PALS2: variants seen among roughly 807,000 people sequenced by gnomAD.
The protein encoded by PALS2 is protein associated with LIN7 2, MAGUK p55 family member.
A neutral mutation model predicts 61.6 loss-of-function variants in PALS2; 27 were observed. The observed-to-expected ratio is 0.44, with a 90% CI of 0.32 to 0.60. PALS2 has a LOEUF of 0.60. Among genes scored for constraint, PALS2 ranks in the 20% least tolerant of loss-of-function variants. The pLI, the probability that PALS2 is intolerant of heterozygous loss-of-function variation, is 0.05. For missense variants in PALS2, 554 were observed against 639.4 expected (o/e 0.87, Z 1.44); for synonymous variants, 236 against 218.6 (o/e 1.08, Z -0.70).
intron 1 of PALS2, among the ~76,000 whole-genome samples, chr7:24,590,866 G>T (rs1362022058): frequency 6.7e-6 from 1 of 150,194 alleles, no homozygotes; most frequent in Non-Finnish European, 1.5e-5. Context: ...TTTTTGAGGG[G>T]ATGTTTTCAG....
At chr7:24,582,999 A>T (rs558165787) in intron 1 of PALS2, among the ~76,000 whole-genome samples, 2 of 140,696 alleles carry the variant, frequency 1.4e-5, no homozygotes, top group East Asian at 2.2e-4. Flanking sequence ...GATTCAAGTG[A>T]TTCTCCTGCC....
At chr7:24,632,151 AT>A (rs1785024093) in intron 2 of PALS2, among the ~76,000 whole-genome samples, 1 of 152,166 alleles carries the variant, frequency 6.6e-6, no homozygotes, top group African/African-American at 2.4e-5. Context: ...ATTCACTAAG[AT>A]TGTTATATCA....
At chr7:24,645,101 A>G (rs1785763880) in intron 3 of PALS2, among the ~76,000 whole-genome samples, 1 of 152,042 alleles carries the variant, frequency 6.6e-6, no homozygotes, top group Non-Finnish European at 1.5e-5. Flanking sequence ...CTCTGTTGAT[A>G]GTTTCTTTTG....
At chr7:24,647,551 T>A (rs1785906659) in intron 3 of PALS2, among the ~76,000 whole-genome samples, 1 of 152,198 alleles carries the variant, frequency 6.6e-6, no homozygotes. Flanking sequence ...GGGTTGTAAA[T>A]CAGAATTTTC....
In PALS2 at chr7:24,599,630, A is replaced by C. The variant is rs1363203593; in HGVS notation, c.-2-24036A>C. 6.1e-5 allele frequency among the ~76,000 whole-genome samples: 9 copies of C among 148,574 alleles called. No individual in the cohort carries two copies. In the South Asian group the frequency reaches 1.9e-3, roughly 32 times the overall value. On this transcript the variant is annotated intron_variant, in intron 1 of 11. Coordinates refer to ENST00000222644, the MANE Select transcript of PALS2 (RefSeq NM_001303037.2). ...AGTGATTTTCCCGTCCCAGCCTCCC[A>C]AGTAGCTGGGATTACAGGTGTGCAC... is the stretch of plus-strand genomic sequence containing the variant.
chr7:24,685,927 C>T (rs1353767171), intron 11 of PALS2, among the ~76,000 whole-genome samples: 1 of 152,120 alleles, frequency 6.6e-6, no homozygotes, highest in Non-Finnish European at 1.5e-5. Context: ...GATTTATATA[C>T]AGCTAGCCCA....
chr7:24,659,834 A>C (rs1786622126), intron 5 of PALS2, among the ~76,000 whole-genome samples: 1 of 152,230 alleles, frequency 6.6e-6, no homozygotes, highest in African/African-American at 2.4e-5. Flanking sequence ...TTAAGTACTC[A>C]GTTGAAAACA....
chr7:24,622,316 CCTTT>C (rs1449658789), intron 1 of PALS2, among the ~76,000 whole-genome samples: 3 of 151,676 alleles, frequency 2.0e-5, no homozygotes, highest in Non-Finnish European at 4.4e-5. Flanking sequence ...GATGTCATTC[CCTTT>C]ATTTAGATCT....
Position 24,623,782 on chromosome 7 carries a change from A to G in PALS2, c.115A>G (p.Lys39Glu). The G allele has an allele frequency of 1.3e-6, 2 of 1,529,534 alleles. No homozygotes were observed. Among genetic ancestry groups the G allele is most frequent in the Non-Finnish European group, 1.8e-6 (2 of 1,116,100 alleles). The allele number at this position is 1,529,534 out of a possible 1,614,324, so 94.7% of individuals were successfully genotyped here. Residue 39 changes from lysine (K) to glutamate (E), a missense_variant and splice_region_variant, in exon 2 of 12, where the codon AAG (lysine) becomes GAG (glutamate). By Grantham distance (56) the Lys-to-Glu change is moderately conservative (BLOSUM62 1). Coordinates refer to ENST00000222644, the MANE Select transcript of PALS2 (RefSeq NM_001303037.2). ...GAATCCTATTGTAAAATCACTTGCT[A>G]AGGTATATAGATTTATTCATAAGAT... The part of the protein sequence containing the change: ...MENPIVKSLA[K>E]AHERLEDSKL...
chr7:24,642,705 T>C (rs191504071), intron 3 of PALS2, among the ~76,000 whole-genome samples: 1 of 152,284 alleles, frequency 6.6e-6, no homozygotes, highest in African/African-American at 2.4e-5. Flanking sequence ...TCTTCAACAA[T>C]GTTACTGCAA....
chr7:24,675,806 A>G (rs10250684), intron 9 of PALS2, among the ~76,000 whole-genome samples: 54,147 of 98,902 alleles, frequency 0.55, 17,082 homozygotes, highest in East Asian at 0.99. Flanking sequence ...GGACATTTGG[A>G]TTGGTTCCAA....
chr7:24,586,155 ATT>A (rs552141813), intron 1 of PALS2, among the ~76,000 whole-genome samples: 1 of 147,666 alleles, frequency 6.8e-6, no homozygotes. Context: ...AGGCTTTGCT[ATT>A]TTTTTTTTTA....
chr7:24,652,522 G>T (rs770775110), intron 5 of PALS2, among the ~76,000 whole-genome samples: 1 of 151,986 alleles, frequency 6.6e-6, no homozygotes, highest in African/African-American at 2.4e-5. Flanking sequence ...AGCCTGAGGC[G>T]TGTCCTCCCA....
chr7:24,603,540 C>G (rs1287764456), intron 1 of PALS2, among the ~76,000 whole-genome samples: 2 of 152,202 alleles, frequency 1.3e-5, no homozygotes, highest in African/African-American at 4.8e-5. Context: ...GGGGACTTGA[C>G]AACTGGCTGC....
chr7:24,668,363 A>C (rs1034991433), intron 8 of PALS2, 136 bp from the exon 9 acceptor site: 8 of 758,718 alleles, frequency 1.1e-5, no homozygotes, highest in Non-Finnish European at 1.2e-5. Flanking sequence ...TTGTAAAAAC[A>C]AATCTATGCT....
rs193019995 is a variant in PALS2, at chr7:24,628,128, G to T, written c.117+4344G>T. 3.9e-4 allele frequency among the ~76,000 whole-genome samples: 60 copies of T among 152,230 alleles called. 1 individual carries two copies. The highest frequency in any genetic ancestry group is 3.4e-3 in the Middle Eastern group (1 of 294). ...ATGTGAAAATCCTCAATAAAATACT[G>T]GCAAACCGAATCCAGCAGCACATTA... On this transcript the variant is annotated intron_variant, in intron 2 of 11. Coordinates refer to ENST00000222644, the MANE Select transcript of PALS2 (RefSeq NM_001303037.2).
intron 6 of PALS2, among the ~76,000 whole-genome samples, chr7:24,664,096 AGT>A (rs1480024690): frequency 2.0e-5 from 3 of 152,306 alleles, no homozygotes; most frequent in African/African-American, 7.2e-5. Context: ...CTGTGAAATA[AGT>A]GTGTCTCTTG....
At chr7:24,676,530 T>C (rs925587795) in intron 9 of PALS2, among the ~76,000 whole-genome samples, 3 of 152,102 alleles carry the variant, frequency 2.0e-5, no homozygotes, top group African/African-American at 7.3e-5. Flanking sequence ...AAGTCTTTAA[T>C]CCATCTTGAA....
intron 1 of PALS2, among the ~76,000 whole-genome samples, chr7:24,604,475 A>C (rs966895946): frequency 6.6e-6 from 1 of 152,178 alleles, no homozygotes. Context: ...TAGGGAACAA[A>C]GCCTTGGAGA....
Sources: allele counts gnomAD v4.1 joint callset (sites outside exome capture counted in the v4.1 genomes callset), GRCh38; gene constraint gnomAD v4.1.1; transcripts MANE v1.5; gene names NCBI Gene and HGNC (gene_info 2026-07-23, HGNC 2026-07-21).